ZNF407: variants seen among roughly 807,000 people sequenced by gnomAD.
ZNF407 encodes the protein zinc finger protein 407.
A neutral mutation model predicts 131.2 loss-of-function variants in ZNF407; 17 were observed. That is an observed-to-expected ratio of 0.13 (90% CI 0.09 to 0.19). ZNF407 has a LOEUF of 0.19. Ranked by LOEUF, ZNF407 falls within the 10% of genes least tolerant of loss-of-function variation. The probability of loss-of-function intolerance (pLI) is 1.00; values close to 1 mark genes in which losing one functional copy is unlikely to be tolerated. For synonymous variants in ZNF407, 1,156 were observed against 1,062.0 expected (o/e 1.09, Z -1.72); for missense variants, 2,681 against 2,830.6 (o/e 0.95, Z 1.20).
At chr18:74,897,815 C>T (rs998253157) in intron 7 of ZNF407, among the ~76,000 whole-genome samples, 2 of 152,312 alleles carry the variant, frequency 1.3e-5, no homozygotes, top group East Asian at 1.9e-4. Flanking sequence ...GTCACCTATG[C>T]ATCCCTACAG....
chr18:74,845,823 A>G (rs1013904932), intron 4 of ZNF407, among the ~76,000 whole-genome samples: 7 of 152,218 alleles, frequency 4.6e-5, no homozygotes, highest in African/African-American at 1.2e-4. Flanking sequence ...AAATCCATTC[A>G]TAATTGAAGA....
intron 4 of ZNF407, among the ~76,000 whole-genome samples, chr18:74,846,957 G>T (rs1277731098): frequency 6.6e-6 from 1 of 151,698 alleles, no homozygotes; most frequent in African/African-American, 2.4e-5. Context: ...TTCTGCCACT[G>T]CACTCCGGCC....
At chr18:75,045,096 T>G (rs866693519) in intron 8 of ZNF407, among the ~76,000 whole-genome samples, 403 of 37,166 alleles carry the variant, frequency 0.011, 5 homozygotes, top group African/African-American at 0.035. Flanking sequence ...GGGGTGTGGG[T>G]GGGGTGTGTG....
chr18:74,842,295 G>A (rs1970644852), intron 4 of ZNF407, among the ~76,000 whole-genome samples: 2 of 151,992 alleles, frequency 1.3e-5, no homozygotes, highest in Non-Finnish European at 2.9e-5. Context: ...CTTTGTGTTG[G>A]CCCATAAATT....
intron 3 of ZNF407, among the ~76,000 whole-genome samples, chr18:74,672,875 A>G (rs532448874): frequency 6.6e-6 from 1 of 152,302 alleles, no homozygotes; most frequent in East Asian, 1.9e-4. Context: ...CTCCCTACCC[A>G]TTATGTTCTT....
rs574935059 is a variant in ZNF407 at position 74,730,747 on chromosome 18, TC to T, written c.4803-50679del. Among the ~76,000 whole-genome samples the T allele has an allele frequency of 2.0e-3, 311 of 152,328 alleles. 1 individual carries two copies. The highest frequency in any genetic ancestry group is 7.0e-3 in the African/African-American group (292 of 41,568). On this transcript the variant is annotated intron_variant, in intron 3 of 8. Transcript: ENST00000299687. ...AAATGTATTCATTTTCTCACTATTTTCCAAAGTGGCTATAGGATTATAGAAA... is the reference window on the plus strand; with the variant it reads ...AAATGTATTCATTTTCTCACTATTTTCAAAGTGGCTATAGGATTATAGAAA...
chr18:74,755,885 C>CTTTTTTTTTTTTTTTTTTTTT (rs34750560), intron 3 of ZNF407, among the ~76,000 whole-genome samples: 4 of 25,822 alleles, frequency 1.5e-4, no homozygotes, highest in East Asian at 1.1e-3. Flanking sequence ...CTTTTCCTTC[C>CTTTTTTTTTTTTTTTTTTTTT]TTTTTTTTTT....
intron 8 of ZNF407, among the ~76,000 whole-genome samples, chr18:74,943,007 C>A (rs1173147842): frequency 6.6e-6 from 1 of 151,904 alleles, no homozygotes; most frequent in Non-Finnish European, 1.5e-5. Context: ...ACCTCTGCCT[C>A]CTGGGTTCAA....
intron 4 of ZNF407, among the ~76,000 whole-genome samples, chr18:74,807,072 G>A (rs1047140525): frequency 1.3e-5 from 2 of 152,212 alleles, no homozygotes; most frequent in Admixed American, 6.5e-5. Context: ...ATAACGGGAA[G>A]CAACAGGTGA....
intron 3 of ZNF407, among the ~76,000 whole-genome samples, chr18:74,648,940 G>C (rs1431816574): frequency 6.6e-6 from 1 of 152,116 alleles, no homozygotes; most frequent in Non-Finnish European, 1.5e-5. Flanking sequence ...CGCTTCCGTG[G>C]TCTGTGTTTC....
intron 3 of ZNF407, among the ~76,000 whole-genome samples, chr18:74,757,154 AG>A (rs1968983131): frequency 6.6e-6 from 1 of 151,790 alleles, no homozygotes; most frequent in African/African-American, 2.4e-5. Flanking sequence ...TTCTAGTTTT[AG>A]TTATGGTGGA....
chr18:74,756,745 G>A (rs2404158), intron 3 of ZNF407, among the ~76,000 whole-genome samples: 19,503 of 38,580 alleles, frequency 0.51, 2,151 homozygotes, highest in South Asian at 0.55. Context: ...CTTTGTAGAA[G>A]GTTTTTTTGA....
At chr18:74,996,749 C>G (rs1462572682) in intron 8 of ZNF407, among the ~76,000 whole-genome samples, 1 of 152,174 alleles carries the variant, frequency 6.6e-6, no homozygotes, top group East Asian at 1.9e-4. Flanking sequence ...GATTTTAGTT[C>G]TTGCAAGGCA....
chr18:74,958,886 C>T (rs937833647), intron 8 of ZNF407, among the ~76,000 whole-genome samples: 1 of 152,150 alleles, frequency 6.6e-6, no homozygotes, highest in Non-Finnish European at 1.5e-5. Context: ...GACACCCATG[C>T]GCACACAAAA....
intron 3 of ZNF407, among the ~76,000 whole-genome samples, chr18:74,648,663 C>A (rs1487878773): frequency 6.6e-6 from 1 of 152,124 alleles, no homozygotes; most frequent in Non-Finnish European, 1.5e-5. Context: ...GTAATGAAAA[C>A]AGGTTGATAA....
At chr18:74,677,594 G>T (rs1403277223) in intron 3 of ZNF407, among the ~76,000 whole-genome samples, 1 of 151,982 alleles carries the variant, frequency 6.6e-6, no homozygotes, top group Non-Finnish European at 1.5e-5. Context: ...TCTGCACCTA[G>T]AATTTACATA....
intron 3 of ZNF407, among the ~76,000 whole-genome samples, chr18:74,779,201 C>T (rs1357665778): frequency 2.8e-4 from 41 of 145,414 alleles, no homozygotes; most frequent in African/African-American, 9.8e-4. Flanking sequence ...CTGCAAGCTC[C>T]GCCTCCCGGG....
intron 4 of ZNF407, chr18:74,804,145 T>A (rs1970070890): frequency 3.3e-6 from 5 of 1,493,370 alleles, no homozygotes; most frequent in Non-Finnish European, 3.6e-6. Flanking sequence ...TTGTCTTTTT[T>A]TTTTTCCTTT....
At chr18:75,027,189 G>A (rs1270338653) in intron 8 of ZNF407, among the ~76,000 whole-genome samples, 3 of 152,304 alleles carry the variant, frequency 2.0e-5, no homozygotes, top group African/African-American at 7.2e-5. Flanking sequence ...GACTGAGCAC[G>A]GAGACCTTTG....
Sources: gnomAD v4.1 joint callset for allele counts (sites outside exome capture counted in the v4.1 genomes callset) on GRCh38, gnomAD v4.1.1 for gene constraint, MANE v1.5 for transcripts, NCBI Gene and HGNC (gene_info 2026-07-23, HGNC 2026-07-21) for gene names.